ATP8A2: variants seen among roughly 807,000 people sequenced by gnomAD.
The protein encoded by ATP8A2 is phospholipid-transporting ATPase IB.
A neutral mutation model predicts 165.6 loss-of-function variants in ATP8A2; 100 were observed. The observed-to-expected ratio is 0.60, with a 90% CI of 0.51 to 0.71. ATP8A2 has a LOEUF of 0.71. ATP8A2 is among the 30% of genes least tolerant of loss of function. The pLI, the probability that ATP8A2 is intolerant of heterozygous loss-of-function variation, is 0.00. For missense variants in ATP8A2, 1,227 were observed against 1,479.5 expected, an observed-to-expected ratio of 0.83 and a Z score of 2.80; for synonymous variants, 543 against 548.8, an observed-to-expected ratio of 0.99 and a Z score of 0.15.
intron 24 of ATP8A2, chr13:25,591,280 AT>A (rs1024418395): frequency 4.4e-6 from 2 of 456,396 alleles, no homozygotes; most frequent in Non-Finnish European, 8.8e-6. Flanking sequence ...CCAAACCAAA[AT>A]TCTGTGCCCC....
rs191689321 is a variant in ATP8A2 at position 25,385,192 on chromosome 13, A to G, written c.76+12904A>G. ...TCCTTTCTTTTGCTGAAATGCCTGCATGCTGGTGGAGGAGGGAAGCCAACT... is the reference window on the plus strand; with the variant it reads ...TCCTTTCTTTTGCTGAAATGCCTGCGTGCTGGTGGAGGAGGGAAGCCAACT... On this transcript the variant is annotated intron_variant, in intron 1 of 36. Coordinates refer to ENST00000381655, the MANE Select transcript of ATP8A2 (RefSeq NM_016529.6). Among the ~76,000 whole-genome samples the G allele has an allele frequency of 2.6e-5, 4 of 152,322 alleles. No homozygotes were observed. The East Asian group carries it at 7.7e-4, about 29-fold the overall frequency.
chr13:25,372,041 C>A lies in ATP8A2; in HGVS notation c.-172C>A. The A allele has an allele frequency of 3.6e-6, 1 of 276,010 alleles. No individual in the cohort carries two copies. Among genetic ancestry groups the A allele is most frequent in the Non-Finnish European group, 6.4e-6 (1 of 155,130 alleles). The allele number at this position is 276,010 out of a possible 1,614,324, so 17.1% of individuals were successfully genotyped here. A position where few individuals can be genotyped will look rare whatever the true frequency, so the allele number is the denominator to read the frequency against. On this transcript the variant is annotated 5_prime_UTR_variant, in exon 1 of 37. Transcript: ENST00000381655. The surrounding 1 kb of genome is among the most constrained non-coding windows in gnomAD (Gnocchi z 4.8). ...TGCTGCCGCATTGGCCGCTGCGGCA[C>A]GGACGGCGCAGCCTCGGGCGCGGCC...
intron 24 of ATP8A2, among the ~76,000 whole-genome samples, chr13:25,689,463 GTTTCATT>G (rs2042677050): frequency 6.6e-6 from 1 of 152,060 alleles, no homozygotes; most frequent in African/African-American, 2.4e-5. Flanking sequence ...TTATCTGGTA[GTTTCATT>G]TTTCATTTGT....
intron 24 of ATP8A2, among the ~76,000 whole-genome samples, chr13:25,631,723 A>G (rs757815023): frequency 6.6e-6 from 1 of 152,072 alleles, no homozygotes; most frequent in Non-Finnish European, 1.5e-5. Context: ...TTGCAGGGGT[A>G]TTTTCAAAAT....
chr13:25,519,963 T>C (rs1405071170), intron 2 of ATP8A2, among the ~76,000 whole-genome samples: 1 of 152,234 alleles, frequency 6.6e-6, no homozygotes, highest in Non-Finnish European at 1.5e-5. Context: ...AAGGTACATG[T>C]AATAATTTGA....
intron 25 of ATP8A2, among the ~76,000 whole-genome samples, chr13:25,703,112 G>A (rs572048092): frequency 5.9e-5 from 9 of 152,212 alleles, no homozygotes; most frequent in South Asian, 4.2e-4. Context: ...ACAGAGACTC[G>A]CTCTGTTGCC....
At position 25,399,231 on chromosome 13, in the gene ATP8A2, G is replaced by A. The variant is rs1014267611; in HGVS notation, c.76+26943G>A. 3.9e-5 allele frequency among the ~76,000 whole-genome samples: 6 copies of A among 152,136 alleles called. 1 individual carries two copies. On this transcript the variant is annotated intron_variant, in intron 1 of 36. Coordinates refer to ENST00000381655, the MANE Select transcript of ATP8A2 (RefSeq NM_016529.6). Reference sequence around the variant, plus strand: ...CTTGGAGGCTTATTAACATGCAGGTGGCTGTTTCCCACCCTCAGAAGTTCT... The same window carrying A: ...CTTGGAGGCTTATTAACATGCAGGTAGCTGTTTCCCACCCTCAGAAGTTCT...
At chr13:25,965,067 G>A (rs1955749210) in intron 34 of ATP8A2, among the ~76,000 whole-genome samples, 1 of 152,210 alleles carries the variant, frequency 6.6e-6, no homozygotes, top group Admixed American at 6.5e-5. Flanking sequence ...GCTGAGGTGG[G>A]AGAATGGCTT....
rs192336554 is a variant in ATP8A2 at position 25,677,967 on chromosome 13, A to G, written c.2212-21206A>G. Among the ~76,000 whole-genome samples, 552 of 152,322 alleles carry G rather than the reference A, an allele frequency of 3.6e-3. 4 individuals are homozygous for G. Among genetic ancestry groups the G allele is most frequent in the Middle Eastern group, 0.02 (6 of 294 alleles). On this transcript the variant is annotated intron_variant, in intron 24 of 36. Coordinates refer to ENST00000381655, the MANE Select transcript of ATP8A2 (RefSeq NM_016529.6). ...GGGGTGGGGGATATTACAGAGGGTTATGAGGCAAGTAATACCTTTACAGAA... is the reference window on the plus strand; with the variant it reads ...GGGGTGGGGGATATTACAGAGGGTTGTGAGGCAAGTAATACCTTTACAGAA...
chr13:25,579,398 A>G (rs1213740178), intron 21 of ATP8A2, among the ~76,000 whole-genome samples: 1 of 152,198 alleles, frequency 6.6e-6, no homozygotes, highest in Non-Finnish European at 1.5e-5. Flanking sequence ...ATATGAGCAC[A>G]TGCTCACACA....
At chr13:25,695,064 A>T (rs1420478858) in intron 24 of ATP8A2, among the ~76,000 whole-genome samples, 1 of 152,102 alleles carries the variant, frequency 6.6e-6, no homozygotes, top group Non-Finnish European at 1.5e-5. Context: ...CATACCTCAG[A>T]GATATTGCAG....
intron 32 of ATP8A2, 86 bp from the exon 33 acceptor site, chr13:25,862,215 A>T: frequency 1.1e-6 from 1 of 872,876 alleles, no homozygotes; most frequent in East Asian, 2.5e-5. Context: ...GGTAGCTTGG[A>T]TGCAAGGATT....
At chr13:25,580,446 C>T (rs1468466085) in intron 22 of ATP8A2, among the ~76,000 whole-genome samples, 1 of 152,138 alleles carries the variant, frequency 6.6e-6, no homozygotes, top group Non-Finnish European at 1.5e-5. Context: ...TATTGGTTTC[C>T]TTCAAGTGTG....
At chr13:25,832,302 A>G (rs1235957713) in intron 28 of ATP8A2, among the ~76,000 whole-genome samples, 2 of 152,190 alleles carry the variant, frequency 1.3e-5, no homozygotes, top group Admixed American at 6.5e-5. Context: ...CTAGGATCAA[A>G]TGGATTTCAG....
intron 1 of ATP8A2, among the ~76,000 whole-genome samples, chr13:25,380,771 C>T (rs1166802152): frequency 1.3e-5 from 2 of 152,146 alleles, no homozygotes; most frequent in East Asian, 1.9e-4. Context: ...TCAACACCCC[C>T]ATTGCTACAC....
intron 24 of ATP8A2, among the ~76,000 whole-genome samples, chr13:25,681,894 G>C (rs1335287398): frequency 6.7e-6 from 1 of 149,670 alleles, no homozygotes; most frequent in Non-Finnish European, 1.5e-5. Flanking sequence ...CGAAGACTTG[G>C]GACTGACTGC....
In ATP8A2 at chr13:25,529,111, A is replaced by G. The variant is rs561379240; in HGVS notation, c.222-888A>G. On this transcript the variant is annotated intron_variant, in intron 2 of 36. Coordinates refer to ENST00000381655, the MANE Select transcript of ATP8A2 (RefSeq NM_016529.6). ...CTGTCCTTGTGATAGTTTGCTCAGA[A>G]TGATGAAAACCTGCTGGATAATCTT... Among the ~76,000 whole-genome samples the G allele has an allele frequency of 1.9e-4, 29 of 152,274 alleles. No homozygotes were observed. The East Asian group carries it at 5.2e-3, about 27-fold the overall frequency.
chr13:25,790,974 G>A (rs1409604843), intron 27 of ATP8A2, among the ~76,000 whole-genome samples: 1 of 152,128 alleles, frequency 6.6e-6, no homozygotes, highest in Non-Finnish European at 1.5e-5. Flanking sequence ...ACAGTGTGAT[G>A]ATTTCCCAAA....
At chr13:25,435,109 G>A (rs2034719586) in intron 1 of ATP8A2, among the ~76,000 whole-genome samples, 1 of 151,876 alleles carries the variant, frequency 6.6e-6, no homozygotes, top group African/African-American at 2.4e-5. Context: ...AGGAGTTCCT[G>A]GGCATAGGAA....
Sources: gnomAD v4.1 joint callset for allele counts (sites outside exome capture counted in the v4.1 genomes callset) on GRCh38, gnomAD v4.1.1 for gene constraint, Gnocchi (gnomAD v3.1) non-coding constraint, MANE v1.5 for transcripts, NCBI Gene and HGNC (gene_info 2026-07-23, HGNC 2026-07-21) for gene names.